The following PPP4R3B variants were observed in gnomAD, a reference collection of about 807,000 sequenced individuals.
PPP4R3B encodes protein phosphatase 4 regulatory subunit 3B.
PPP4R3B carries 52 observed loss-of-function variants against 95.4 expected under a neutral mutation model. The ratio of observed to expected loss-of-function variants is 0.54; its 90% CI spans 0.44 to 0.69. The LOEUF (loss-of-function observed/expected upper bound fraction) is 0.69. PPP4R3B is among the 30% of genes least tolerant of loss of function. PPP4R3B has a pLI of 0.00. For synonymous variants in PPP4R3B, 407 were observed against 343.9 expected (o/e 1.18, Z -2.03); for missense variants, 1,003 against 1,005.9 (o/e 1.00, Z 0.04).
At chr2:55,573,962 C>G (rs1436220125) in intron 11 of PPP4R3B, among the ~76,000 whole-genome samples, 185 bp from the exon 12 acceptor site, 1 of 146,372 alleles carries the variant, frequency 6.8e-6, no homozygotes, top group Non-Finnish European at 1.5e-5. Context: ...GATCATGGCA[C>G]ATTGCAGCTT....
intron 16 of PPP4R3B, among the ~76,000 whole-genome samples, chr2:55,550,278 G>A (rs997413686): frequency 6.6e-6 from 1 of 152,268 alleles, no homozygotes; most frequent in Non-Finnish European, 1.5e-5. Flanking sequence ...GTGGGAAAAT[G>A]TCTACTTTTC....
intron 16 of PPP4R3B, among the ~76,000 whole-genome samples, chr2:55,557,848 A>G (rs1456555883): frequency 2.0e-5 from 3 of 152,192 alleles, no homozygotes; most frequent in Non-Finnish European, 4.4e-5. Context: ...ATGAACAAGA[A>G]AAATGTTTCA....
At position 55,585,033 on chromosome 2, in the gene PPP4R3B, C is replaced by T. The variant is rs767217278; in HGVS notation, c.1233+18G>A. On this transcript the variant is annotated intron_variant, in intron 7 of 16. Coordinates refer to ENST00000616407, the MANE Select transcript of PPP4R3B (RefSeq NM_001122964.3). ...ACTCTACAGGTAATTCACATAGAAC[C>T]ACAGCATTATTACTTACGTCATCAC... 6.4e-7 allele frequency: 1 copy of T among 1,565,682 alleles called. No individual in the cohort carries two copies. Among genetic ancestry groups the T allele is most frequent in the South Asian group, 1.1e-5 (1 of 88,264 alleles).
rs1686169954 is a variant in PPP4R3B, at chr2:55,558,658, G to A, written c.2454+117C>T. The A allele has an allele frequency of 8.1e-6, 6 of 740,124 alleles. No homozygotes were observed. In the South Asian group the frequency reaches 1.4e-4, roughly 18 times the overall value. 45.8% of individuals were successfully genotyped at this position (740,124 alleles called of 1,614,324 possible). On this transcript the variant is annotated intron_variant, in intron 16 of 16. Transcript: ENST00000616407. ...TTCTACAATCAACATTTTGGTAACA[G>A]AAAAATTCTAAACAATTCATTGAAA...
chr2:55,591,263 T>C (rs1034529202), intron 4 of PPP4R3B, among the ~76,000 whole-genome samples: 1 of 151,316 alleles, frequency 6.6e-6, no homozygotes, highest in African/African-American at 2.4e-5. Flanking sequence ...CAGACTCCCA[T>C]GTAACAGAGA....
intron 2 of PPP4R3B, among the ~76,000 whole-genome samples, chr2:55,612,250 T>A (rs991841001): frequency 1.1e-4 from 16 of 152,284 alleles, no homozygotes; most frequent in African/African-American, 3.9e-4. Context: ...AACAATTTTT[T>A]AAATTTTAAC....
chr2:55,563,680 A>T (rs1686916803), intron 15 of PPP4R3B, among the ~76,000 whole-genome samples: 4 of 152,136 alleles, frequency 2.6e-5, no homozygotes, highest in Admixed American at 2.0e-4. Flanking sequence ...AGCAAGGTAT[A>T]AATTTTAATT....
Position 55,549,827 on chromosome 2 carries a change from G to A in PPP4R3B, c.*84C>T, listed in dbSNP as rs1685043940. On this transcript the variant is annotated 3_prime_UTR_variant, in exon 17 of 17. Coordinates refer to ENST00000616407, the MANE Select transcript of PPP4R3B (RefSeq NM_001122964.3). ...TTGTATATTTTATAAGTTCAATTGA[G>A]AAAGCTTTCTGATTCAGATTTTCAG... The A allele has an allele frequency of 2.9e-6, 3 of 1,031,016 alleles. No individual in the cohort carries two copies. Among genetic ancestry groups the A allele is most frequent in the Non-Finnish European group, 4.6e-6 (3 of 655,302 alleles). 63.9% of individuals were successfully genotyped at this position (1,031,016 alleles called of 1,614,324 possible). A position where few individuals can be genotyped will look rare whatever the true frequency, so the allele number is the denominator to read the frequency against.
Position 55,562,664 on chromosome 2 carries a change from A to G in PPP4R3B, c.2260+1649T>C, listed in dbSNP as rs1005437580. Among the ~76,000 whole-genome samples the G allele has an allele frequency of 2.6e-5, 4 of 152,206 alleles. 1 individual carries two copies. The highest frequency in any genetic ancestry group is 4.1e-4 in the South Asian group (2 of 4,830). ...TTTTAACAGTATAAAACGAACTAAT[A>G]CAAGTGGTAAGTCTTTATTAGCTAG... is the stretch of plus-strand genomic sequence containing the variant. On this transcript the variant is annotated intron_variant, in intron 15 of 16. Coordinates refer to ENST00000616407, the MANE Select transcript of PPP4R3B (RefSeq NM_001122964.3).
At chr2:55,558,501 G>A (rs1469036320) in intron 16 of PPP4R3B, among the ~76,000 whole-genome samples, 2 of 152,074 alleles carry the variant, frequency 1.3e-5, no homozygotes, top group African/African-American at 4.8e-5. Flanking sequence ...CCAGCTACTT[G>A]GGAGACTGAG....
chr2:55,575,472 G>T (rs1688557177), intron 11 of PPP4R3B, among the ~76,000 whole-genome samples: 1 of 152,120 alleles, frequency 6.6e-6, no homozygotes, highest in Non-Finnish European at 1.5e-5. Context: ...TTGAGACAGG[G>T]TATCACTATG....
chr2:55,609,488 C>A (rs1483500800), intron 2 of PPP4R3B, among the ~76,000 whole-genome samples: 1 of 151,948 alleles, frequency 6.6e-6, no homozygotes, highest in Non-Finnish European at 1.5e-5. Flanking sequence ...TCAAGACCAG[C>A]CTGAGCAACA....
At chr2:55,583,435 A>T (rs888525536) in intron 7 of PPP4R3B, among the ~76,000 whole-genome samples, 3 of 152,200 alleles carry the variant, frequency 2.0e-5, no homozygotes, top group Non-Finnish European at 4.4e-5. Context: ...TCTAAGTCTT[A>T]GGTATCAATT....
Position 55,616,479 on chromosome 2 carries a change from CAT to C in PPP4R3B, c.142+663_142+664del, listed in dbSNP as rs539374393. On this transcript the variant is annotated intron_variant, in intron 1 of 16. Coordinates refer to ENST00000616407, the MANE Select transcript of PPP4R3B (RefSeq NM_001122964.3). ...ACATTTTGTAATTTAAAATACTTCA[CAT>C]GACTACAATAAACCAAAGAACACAG... 1.4e-4 allele frequency: 22 copies of C among 152,342 alleles called. No homozygotes were observed. In the South Asian group the frequency reaches 1.9e-3, roughly 13 times the overall value. 9.4% of individuals were successfully genotyped at this position (152,342 alleles called of 1,614,324 possible). A position where few individuals can be genotyped will look rare whatever the true frequency, so the allele number is the denominator to read the frequency against.
intron 16 of PPP4R3B, among the ~76,000 whole-genome samples, chr2:55,551,826 T>G (rs1264573752): frequency 7.0e-6 from 1 of 143,074 alleles, no homozygotes; most frequent in Non-Finnish European, 1.6e-5. Flanking sequence ...CGTATGTAGT[T>G]AGTGTTCAAT....
At chr2:55,564,762 C>A in intron 14 of PPP4R3B, 140 bp downstream of exon 14, 1 of 915,904 alleles carries the variant, frequency 1.1e-6, no homozygotes, top group South Asian at 1.6e-5. Context: ...GTAGGGGGGA[C>A]GCCTTACCCT....
chr2:55,587,430 A>T (rs1690297166), intron 5 of PPP4R3B, among the ~76,000 whole-genome samples: 2 of 152,144 alleles, frequency 1.3e-5, no homozygotes, highest in South Asian at 4.1e-4. Context: ...CTAAAAATAC[A>T]AAAATTAGCT....
At chr2:55,582,049 G>A (rs894101941) in intron 7 of PPP4R3B, among the ~76,000 whole-genome samples, 19 of 152,010 alleles carry the variant, frequency 1.2e-4, no homozygotes, top group Admixed American at 2.0e-4. Context: ...AGACTCAGGC[G>A]TAAATTTAGA....
chr2:55,614,358 A>G (rs1437076204), intron 2 of PPP4R3B: 1 of 152,218 alleles, frequency 6.6e-6, no homozygotes, highest in Non-Finnish European at 1.5e-5. Flanking sequence ...ACCTGGAAAT[A>G]ATTCAAATGT....
Sources: gnomAD v4.1 joint callset for allele counts (sites outside exome capture counted in the v4.1 genomes callset) on GRCh38, gnomAD v4.1.1 for gene constraint, MANE v1.5 for transcripts, NCBI Gene and HGNC (gene_info 2026-07-23, HGNC 2026-07-21) for gene names.